The following PTPRK variants were observed in gnomAD, a reference collection of about 807,000 sequenced individuals.
PTPRK encodes receptor-type tyrosine-protein phosphatase kappa.
In PTPRK, 75 loss-of-function variants were observed where a neutral mutation model predicts 178.0. That is an observed-to-expected ratio of 0.42 (90% CI 0.35 to 0.51). The LOEUF (loss-of-function observed/expected upper bound fraction) is 0.51, where lower values mean the gene tolerates loss of function less well. Ranked by LOEUF, PTPRK falls within the 20% of genes least tolerant of loss-of-function variation. The pLI is 0.02. For missense variants in PTPRK, 1,441 were observed against 1,797.8 expected, an observed-to-expected ratio of 0.80 and a Z score of 3.59; for synonymous variants, 637 against 620.6, an observed-to-expected ratio of 1.03 and a Z score of -0.39.
At position 128,082,516 on chromosome 6, in the gene PTPRK, C is replaced by T. The variant is rs748212883; in HGVS notation, c.1698G>A (p.Thr566=). The change falls in exon 10 of 30, where the codon ACG becomes ACA. Residue 566 remains threonine (T), a synonymous_variant. Transcript: ENST00000368226. ...TGCTGGCTCTTATGAAAAACTGGTACGTGGTTCCAGGGTGGAGATGCATAA... is the reference window on the plus strand; with the variant it reads ...TGCTGGCTCTTATGAAAAACTGGTATGTGGTTCCAGGGTGGAGATGCATAA... ...HVFMHLHPGT[T]YQFFIRASTV... The T allele has an allele frequency of 1.2e-5, 20 of 1,613,258 alleles. No individual in the cohort carries two copies. The highest frequency in any genetic ancestry group is 5.0e-5 in the Admixed American group (3 of 59,920).
rs544935474 is a variant in PTPRK, at chr6:128,092,565, T to C, written c.1163-2573A>G. On this transcript the variant is annotated intron_variant, in intron 7 of 29. Transcript: ENST00000368226. ...TATACACATATGCAGTACATACATG[T>C]ACATCTATATGTGTGTATATACACA... is the stretch of plus-strand genomic sequence containing the variant. Among the ~76,000 whole-genome samples the C allele has an allele frequency of 9.2e-5, 14 of 152,336 alleles. No individual in the cohort carries two copies. The East Asian group carries it at 2.7e-3, about 29-fold the overall frequency.
chr6:128,489,411 C>T (rs547070320), intron 1 of PTPRK, among the ~76,000 whole-genome samples: 6 of 152,264 alleles, frequency 3.9e-5, no homozygotes, highest in South Asian at 2.1e-4. Context: ...GTCCTGCACA[C>T]AGAGCAGATA....
intron 5 of PTPRK, among the ~76,000 whole-genome samples, chr6:128,238,648 T>C (rs1813806063): frequency 6.6e-6 from 1 of 152,166 alleles, no homozygotes; most frequent in African/African-American, 2.4e-5. Flanking sequence ...TAAACTATTA[T>C]TTAGGCATAG....
intron 16 of PTPRK, among the ~76,000 whole-genome samples, chr6:127,998,378 T>C (rs1777410720): frequency 1.3e-5 from 2 of 152,098 alleles, no homozygotes; most frequent in Admixed American, 6.6e-5. Context: ...TGATAGAATC[T>C]GCAATGGAAC....
At chr6:128,027,071 T>A (rs891658202) in intron 13 of PTPRK, among the ~76,000 whole-genome samples, 9 of 152,324 alleles carry the variant, frequency 5.9e-5, no homozygotes, top group Middle Eastern at 3.4e-3. Flanking sequence ...ATGCGCCACA[T>A]ATATCCTAAT....
intron 13 of PTPRK, among the ~76,000 whole-genome samples, chr6:128,041,657 T>G (rs975469291): frequency 1.3e-5 from 2 of 151,992 alleles, no homozygotes; most frequent in African/African-American, 2.4e-5. Flanking sequence ...AAGACTTTTC[T>G]GTAGCATTTG....
At chr6:128,417,977 G>T (rs1358549927) in intron 1 of PTPRK, among the ~76,000 whole-genome samples, 1 of 152,156 alleles carries the variant, frequency 6.6e-6, no homozygotes, top group African/African-American at 2.4e-5. Flanking sequence ...GAAAGAGAAA[G>T]TAAAAATGCC....
intron 2 of PTPRK, among the ~76,000 whole-genome samples, chr6:128,380,712 A>G (rs944184526): frequency 4.6e-5 from 7 of 152,140 alleles, no homozygotes; most frequent in African/African-American, 1.7e-4. Context: ...AGGGACCTAC[A>G]AAGAGCAGAG....
chr6:128,175,682 A>T (rs1041214274), intron 7 of PTPRK, among the ~76,000 whole-genome samples: 3 of 151,872 alleles, frequency 2.0e-5, no homozygotes, highest in Non-Finnish European at 4.4e-5. Context: ...AAAAATGACA[A>T]TAGTTTTGTA....
Position 128,057,894 on chromosome 6 carries a change from A to G in PTPRK, c.2194+6864T>C, listed in dbSNP as rs1032007440. On this transcript the variant is annotated intron_variant, in intron 13 of 29. Coordinates refer to ENST00000368226, the MANE Select transcript of PTPRK (RefSeq NM_002844.4). Reference sequence around the variant, plus strand: ...GCATACCTTTTAACTTTTATTAGTTATTTTACCTCTTTTTTACAAATTAAA... The same window carrying G: ...GCATACCTTTTAACTTTTATTAGTTGTTTTACCTCTTTTTTACAAATTAAA... Among the ~76,000 whole-genome samples, 39 of 152,102 alleles carry G rather than the reference A, an allele frequency of 2.6e-4. 1 individual carries two copies. Among genetic ancestry groups the G allele is most frequent in the Non-Finnish European group, 7.4e-5 (5 of 68,008 alleles).
At chr6:127,996,607 G>A (rs1434237691) in intron 17 of PTPRK, among the ~76,000 whole-genome samples, 2 of 152,094 alleles carry the variant, frequency 1.3e-5, no homozygotes, top group Non-Finnish European at 2.9e-5. Context: ...GATTAACCAG[G>A]ATTACAGGTG....
intron 1 of PTPRK, among the ~76,000 whole-genome samples, chr6:128,468,534 T>C (rs1319448406): frequency 6.6e-6 from 1 of 152,204 alleles, no homozygotes; most frequent in Non-Finnish European, 1.5e-5. Flanking sequence ...CTCAAGTTTG[T>C]ATTACTGTTA....
intron 2 of PTPRK, among the ~76,000 whole-genome samples, chr6:128,393,572 G>C (rs1839906435): frequency 6.6e-6 from 1 of 152,162 alleles, no homozygotes; most frequent in African/African-American, 2.4e-5. Flanking sequence ...AGAAGACACA[G>C]TAAAAATGGG....
chr6:128,153,530 T>C (rs1797567787), intron 7 of PTPRK, among the ~76,000 whole-genome samples: 1 of 152,008 alleles, frequency 6.6e-6, no homozygotes, highest in African/African-American at 2.4e-5. Flanking sequence ...GGTGTAAAAC[T>C]GTACTATCAG....
chr6:128,157,158 T>C lies in PTPRK; in HGVS notation c.1162+27274A>G, dbSNP rs181476777. Among the ~76,000 whole-genome samples the C allele has an allele frequency of 5.1e-3, 779 of 152,140 alleles. 2 individuals are homozygous for C. The highest frequency in any genetic ancestry group is 0.018 in the African/African-American group (739 of 41,548). On this transcript the variant is annotated intron_variant, in intron 7 of 29. Coordinates refer to ENST00000368226, the MANE Select transcript of PTPRK (RefSeq NM_002844.4). Reference sequence around the variant, plus strand: ...CTTTTGCTTCAGGGAGACTAATGTGTCTGATCACAGGAAGTTGTTCCAGAC... The same window carrying C: ...CTTTTGCTTCAGGGAGACTAATGTGCCTGATCACAGGAAGTTGTTCCAGAC...
intron 11 of PTPRK, 84 bp from the exon 12 acceptor site, chr6:128,067,876 T>C (rs1355216652): frequency 8.5e-6 from 11 of 1,294,254 alleles, no homozygotes; most frequent in Non-Finnish European, 1.0e-5. Flanking sequence ...TTTAAGGGGT[T>C]GACTATTAAC....
At chr6:128,418,696 A>C (rs1480543345) in intron 1 of PTPRK, among the ~76,000 whole-genome samples, 1 of 152,078 alleles carries the variant, frequency 6.6e-6, no homozygotes. Context: ...GCATATGTCC[A>C]CCGTATCCAG....
intron 29 of PTPRK, among the ~76,000 whole-genome samples, chr6:127,971,383 A>G (rs547664652): frequency 1.9e-4 from 29 of 152,332 alleles, no homozygotes; most frequent in African/African-American, 7.0e-4. Flanking sequence ...GCAATAAACT[A>G]GGGTAATAAA....
chr6:128,148,222 T>C (rs1449618762), intron 7 of PTPRK, among the ~76,000 whole-genome samples: 1 of 152,228 alleles, frequency 6.6e-6, no homozygotes, highest in Admixed American at 6.6e-5. Flanking sequence ...AATCAGAGTT[T>C]TGCTATTTGG....
Sources: allele counts gnomAD v4.1 joint callset (sites outside exome capture counted in the v4.1 genomes callset), GRCh38; gene constraint gnomAD v4.1.1; transcripts MANE v1.5; gene names NCBI Gene and HGNC (gene_info 2026-07-23, HGNC 2026-07-21).